The following DEFB124 variants were observed in gnomAD, a reference collection of about 807,000 sequenced individuals.
The protein encoded by DEFB124 is defensin beta 124.
For synonymous variants in DEFB124, 38 were observed against 36.5 expected (o/e 1.04, Z -0.15); for missense variants, 78 against 83.1 (o/e 0.94, Z 0.24).
intron 2 of DEFB124, among the ~76,000 whole-genome samples, chr20:31,470,425 G>A (rs1400755267): frequency 5.6e-5 from 8 of 143,258 alleles, no homozygotes; most frequent in East Asian, 2.1e-4. Context: ...TGGCCGGGCG[G>A]GGGGCTGAGC....
chr20:31,470,423 C>CG (rs1338294206), intron 2 of DEFB124, among the ~76,000 whole-genome samples: 1 of 139,072 alleles, frequency 7.2e-6, no homozygotes. Flanking sequence ...GCTGGCCGGG[C>CG]GGGGGGCTGA....
In DEFB124 at chr20:31,465,898, TGTAATCCCA is replaced by T. The variant is rs775051784; in HGVS notation, c.59-244_59-236del. ...AAGGCCAGGCGCGGTGGCTCACGCC[TGTAATCCCA>T]GCACTTTGGGAGGCTGAGGCAGGCA... is the stretch of plus-strand genomic sequence containing the variant. On this transcript the variant is annotated intron_variant, in intron 2 of 2. Coordinates refer to ENST00000317676, the MANE Select transcript of DEFB124 (RefSeq NM_001037500.2). Among the ~76,000 whole-genome samples the T allele has an allele frequency of 3.9e-4, 59 of 152,256 alleles. 1 individual carries two copies. Among genetic ancestry groups the T allele is most frequent in the Non-Finnish European group, 3.7e-4 (25 of 68,040 alleles).
At chr20:31,467,457 T>C (rs1175235318) in intron 2 of DEFB124, among the ~76,000 whole-genome samples, 1 of 152,210 alleles carries the variant, frequency 6.6e-6, no homozygotes, top group Non-Finnish European at 1.5e-5. Context: ...CCCAGCTCAG[T>C]CATTTCCCAT....
chr20:31,472,086 A>AC (rs1980336531), intron 2 of DEFB124, among the ~76,000 whole-genome samples: 1 of 151,698 alleles, frequency 6.6e-6, no homozygotes, highest in African/African-American at 2.4e-5. Context: ...AGCTGAGATC[A>AC]CGCCACTGCA....
At chr20:31,468,189 C>T (rs188619671) in intron 2 of DEFB124, among the ~76,000 whole-genome samples, 38 of 152,318 alleles carry the variant, frequency 2.5e-4, no homozygotes, top group Admixed American at 2.2e-3. Context: ...TTCCTTTGTG[C>T]TCCCCCCGCT....
At chr20:31,468,754 C>A (rs1004434328) in intron 2 of DEFB124, among the ~76,000 whole-genome samples, 3 of 152,010 alleles carry the variant, frequency 2.0e-5, no homozygotes, top group Non-Finnish European at 4.4e-5. Flanking sequence ...GGATTACAGG[C>A]GTGAGCCACC....
chr20:31,472,175 C>T (rs369446304), intron 2 of DEFB124, among the ~76,000 whole-genome samples: 2 of 151,762 alleles, frequency 1.3e-5, no homozygotes, highest in African/African-American at 4.8e-5. Context: ...CCGAGGCTGG[C>T]GGATCACTCG....
At chr20:31,473,999 T>C (rs1488712813) in intron 1 of DEFB124, among the ~76,000 whole-genome samples, 1 of 152,070 alleles carries the variant, frequency 6.6e-6, no homozygotes, top group Non-Finnish European at 1.5e-5. Flanking sequence ...GCAGAAAGAA[T>C]AGAATGTGCC....
chr20:31,468,822 A>G (rs894003090), intron 2 of DEFB124, among the ~76,000 whole-genome samples: 1 of 152,006 alleles, frequency 6.6e-6, no homozygotes, highest in African/African-American at 2.4e-5. Context: ...AAATTTTCCT[A>G]AATACCAAAG....
In DEFB124 at chr20:31,473,031, G is replaced by A. The variant is rs745918416; in HGVS notation, c.-18C>T. ...TGTGTCATGGCCACGGGGCTCCTGG[G>A]GAGGCTGCTGGAGAGAGCACAAGAG... On this transcript the variant is annotated 5_prime_UTR_variant, in exon 2 of 3. Coordinates refer to ENST00000317676, the MANE Select transcript of DEFB124 (RefSeq NM_001037500.2). 1.2e-6 allele frequency: 2 copies of A among 1,613,218 alleles called. No homozygotes were observed. Among genetic ancestry groups the A allele is most frequent in the Non-Finnish European group, 1.7e-6 (2 of 1,179,782 alleles).
At chr20:31,465,768 C>T (rs1980068336) in intron 2 of DEFB124, 105 bp from the exon 3 acceptor site, 9 of 1,348,134 alleles carry the variant, frequency 6.7e-6, no homozygotes, top group Non-Finnish European at 9.2e-6. Flanking sequence ...CACAAGTTAG[C>T]TCTCTGGTCT....
At chr20:31,468,347 A>C (rs564038281) in intron 2 of DEFB124, among the ~76,000 whole-genome samples, 22 of 152,252 alleles carry the variant, frequency 1.4e-4, no homozygotes, top group Non-Finnish European at 2.6e-4. Flanking sequence ...TATATAAAAT[A>C]AGATCGCTGG....
intron 1 of DEFB124, 61 bp from the exon 2 acceptor site, chr20:31,473,099 C>T: frequency 6.8e-7 from 1 of 1,464,970 alleles, no homozygotes; most frequent in Non-Finnish European, 9.4e-7. Context: ...CCAGCCCAGG[C>T]TTTATTGAGC....
rs1383555098 is a variant in DEFB124, at chr20:31,470,407, G to A, written c.58+2549C>T. Among the ~76,000 whole-genome samples the A allele has an allele frequency of 1.3e-3, 170 of 132,512 alleles. No individual in the cohort carries two copies. In the South Asian group the frequency reaches 0.034, roughly 26 times the overall value. 86.9% of individuals were successfully genotyped at this position (132,512 alleles called of 152,430 possible). On this transcript the variant is annotated intron_variant, in intron 2 of 2. Transcript: ENST00000317676. ...TGACCCCCCCACCTCCCTCCCGGAC[G>A]GGGCGGCTGGCCGGGCGGGGGGCTG...
At chr20:31,472,439 A>AGAG (rs1980357630) in intron 2 of DEFB124, among the ~76,000 whole-genome samples, 1 of 95,494 alleles carries the variant, frequency 1.0e-5, no homozygotes, top group Non-Finnish European at 2.0e-5. Context: ...AGAGGGGAGA[A>AGAG]GGGAGAGGGG....
intron 2 of DEFB124, among the ~76,000 whole-genome samples, chr20:31,469,277 G>T (rs1157620221): frequency 6.6e-6 from 1 of 151,944 alleles, no homozygotes; most frequent in Admixed American, 6.6e-5. Context: ...ACAAAAATTA[G>T]CCAGGCATGG....
chr20:31,470,082 C>A (rs1459844113), intron 2 of DEFB124, among the ~76,000 whole-genome samples: 4 of 125,762 alleles, frequency 3.2e-5, no homozygotes, highest in Admixed American at 1.5e-4. Context: ...AGGGGGCTGA[C>A]CCCCCCACCT....
At chr20:31,472,541 C>G (rs73116278) in intron 2 of DEFB124, 3,091 of 161,138 alleles carry the variant, frequency 0.019, 45 homozygotes, top group Non-Finnish European at 0.027. Context: ...ATCCCCACCC[C>G]CTCCATGCAC....
intron 2 of DEFB124, among the ~76,000 whole-genome samples, chr20:31,468,749 A>G (rs1286050708): frequency 6.6e-6 from 1 of 151,722 alleles, no homozygotes; most frequent in African/African-American, 2.4e-5. Flanking sequence ...TGCTGGGATT[A>G]CAGGCGTGAG....
Sources: allele counts gnomAD v4.1 joint callset (sites outside exome capture counted in the v4.1 genomes callset), GRCh38; gene constraint gnomAD v4.1.1; transcripts MANE v1.5; gene names NCBI Gene and HGNC (gene_info 2026-07-23, HGNC 2026-07-21).